RGS7: variants seen among roughly 807,000 people sequenced by gnomAD.
RGS7 encodes the protein regulator of G protein signaling 7, also known as regulator of G-protein signaling 7.
In RGS7, 27 loss-of-function variants were observed where a neutral mutation model predicts 81.1. The ratio of observed to expected loss-of-function variants is 0.33; its 90% CI spans 0.25 to 0.46. The LOEUF (loss-of-function observed/expected upper bound fraction) is 0.46. Among genes scored for constraint, RGS7 ranks in the 20% least tolerant of loss-of-function variants. RGS7 has a pLI of 1.00. For missense variants in RGS7, 396 were observed against 607.4 expected (o/e 0.65, Z 3.66); for synonymous variants, 208 against 207.7 (o/e 1.00, Z -0.01).
At chr1:241,204,790 C>T (rs1407485703) in intron 2 of RGS7, among the ~76,000 whole-genome samples, 1 of 151,528 alleles carries the variant, frequency 6.6e-6, no homozygotes, top group Non-Finnish European at 1.5e-5. Context: ...ATAGGCTTTA[C>T]ATAGAGCAGC....
rs532342840 is a variant in RGS7 at position 241,017,252 on chromosome 1, G to A, written c.176-34123C>T. ...AGGTTAGGAGTCTGAGACCAGCCTG[G>A]TCAACACGGTGAAACCCCGTCTCTA... On this transcript the variant is annotated intron_variant, in intron 3 of 18. Coordinates refer to ENST00000440928, the MANE Select transcript of RGS7 (RefSeq NM_001364886.1). Among the ~76,000 whole-genome samples, 10 of 152,118 alleles carry A rather than the reference G, an allele frequency of 6.6e-5. No individual in the cohort carries two copies. In the South Asian group the frequency reaches 2.1e-3, roughly 32 times the overall value.
At chr1:241,307,972 C>A (rs2080277773) in intron 2 of RGS7, among the ~76,000 whole-genome samples, 1 of 152,194 alleles carries the variant, frequency 6.6e-6, no homozygotes, top group African/African-American at 2.4e-5. Flanking sequence ...CAGCTCTTCA[C>A]CTCACTCCAT....
At chr1:241,087,972 CTCTCTA>C (rs1419044819) in intron 3 of RGS7, among the ~76,000 whole-genome samples, 43 of 90,558 alleles carry the variant, frequency 4.7e-4, no homozygotes, top group African/African-American at 1.6e-3. Context: ...CTCTCTCTCT[CTCTCTA>C]TATATATATA....
intron 3 of RGS7, among the ~76,000 whole-genome samples, chr1:241,079,790 T>C (rs2063031932): frequency 6.6e-6 from 1 of 152,214 alleles, no homozygotes; most frequent in African/African-American, 2.4e-5. Context: ...AATGCATTAA[T>C]TCAAAGAGAG....
At chr1:241,021,504 T>C (rs2059534965) in intron 3 of RGS7, among the ~76,000 whole-genome samples, 2 of 152,210 alleles carry the variant, frequency 1.3e-5, no homozygotes, top group Admixed American at 6.5e-5. Flanking sequence ...GCTATGGGCA[T>C]ATGGCACAGC....
chr1:241,347,785 A>C (rs2082995073), intron 2 of RGS7, among the ~76,000 whole-genome samples: 1 of 152,186 alleles, frequency 6.6e-6, no homozygotes, highest in South Asian at 2.1e-4. Flanking sequence ...TTTCAAAAAA[A>C]GAGAAAAAAA....
intron 3 of RGS7, among the ~76,000 whole-genome samples, chr1:241,032,690 G>A (rs532593539): frequency 6.6e-6 from 1 of 152,232 alleles, no homozygotes; most frequent in Non-Finnish European, 1.5e-5. Flanking sequence ...CCCTCTCAGA[G>A]ATCTTTCACG....
intron 2 of RGS7, among the ~76,000 whole-genome samples, chr1:241,226,802 C>A (rs1223202088): frequency 4.6e-5 from 7 of 152,138 alleles, no homozygotes; most frequent in Non-Finnish European, 1.0e-4. Context: ...TTCCCAAATT[C>A]TTTATGTTAT....
chr1:240,887,709 T>A (rs1667619642), intron 6 of RGS7, among the ~76,000 whole-genome samples: 1 of 152,216 alleles, frequency 6.6e-6, no homozygotes, highest in African/African-American at 2.4e-5. Context: ...GATTTTTAAA[T>A]ATTTTTTTAA....
intron 2 of RGS7, among the ~76,000 whole-genome samples, chr1:241,106,340 G>A (rs578071380): frequency 2.4e-3 from 370 of 151,974 alleles, no homozygotes; most frequent in African/African-American, 7.2e-3. Context: ...ATGAATAATC[G>A]ACTAAAAATA....
At chr1:241,307,704 G>C (rs147061768) in intron 2 of RGS7, among the ~76,000 whole-genome samples, 169 of 152,288 alleles carry the variant, frequency 1.1e-3, no homozygotes, top group African/African-American at 3.6e-3. Context: ...AATTTGACAG[G>C]AGTAAGAGCA....
intron 2 of RGS7, among the ~76,000 whole-genome samples, chr1:241,200,914 C>T (rs1200016430): frequency 6.6e-6 from 1 of 152,148 alleles, no homozygotes; most frequent in Non-Finnish European, 1.5e-5. Context: ...GTGCAAAATC[C>T]AACCCTAATT....
chr1:240,989,124 T>C (rs1377482216), intron 3 of RGS7, among the ~76,000 whole-genome samples: 1 of 151,946 alleles, frequency 6.6e-6, no homozygotes, highest in East Asian at 1.9e-4. Flanking sequence ...TAATCTGTCC[T>C]CCTGTAGAAA....
At chr1:241,278,682 A>G (rs1298976756) in intron 2 of RGS7, among the ~76,000 whole-genome samples, 1 of 152,134 alleles carries the variant, frequency 6.6e-6, no homozygotes, top group Admixed American at 6.5e-5. Flanking sequence ...ACTGCTCCCA[A>G]CAATGGGTGG....
At chr1:241,110,412 C>T (rs1294364680) in intron 2 of RGS7, among the ~76,000 whole-genome samples, 1 of 152,046 alleles carries the variant, frequency 6.6e-6, no homozygotes. Flanking sequence ...AATTCAGCAA[C>T]CTCTATGTGT....
At chr1:241,234,774 T>C (rs1305352712) in intron 2 of RGS7, among the ~76,000 whole-genome samples, 1 of 152,174 alleles carries the variant, frequency 6.6e-6, no homozygotes, top group African/African-American at 2.4e-5. Flanking sequence ...CTATTGCATC[T>C]TCAGTACCTG....
At position 241,271,636 on chromosome 1, in the gene RGS7, G is replaced by A. The variant is rs1332378200; in HGVS notation, c.78+84063C>T. Among the ~76,000 whole-genome samples, 1 of 152,166 alleles carries A rather than the reference G, an allele frequency of 6.6e-6. No individual in the cohort carries two copies. The highest frequency in any genetic ancestry group is 2.4e-5 in the African/African-American group (1 of 41,440). ...TAAAGCAGACTGCCCATCCCACTGT[G>A]GGTGTGGCTTATCCAACCTGTTGAG... is the stretch of plus-strand genomic sequence containing the variant. On this transcript the variant is annotated intron_variant, in intron 2 of 18. Coordinates refer to ENST00000440928, the MANE Select transcript of RGS7 (RefSeq NM_001364886.1). This position sits in a 1 kb window ranked among gnomAD's most constrained non-coding sequence, Gnocchi z 4.6.
At chr1:241,219,570 T>C (rs552534841) in intron 2 of RGS7, among the ~76,000 whole-genome samples, 34 of 152,298 alleles carry the variant, frequency 2.2e-4, no homozygotes, top group African/African-American at 5.8e-4. Flanking sequence ...GTCAGAGTTA[T>C]GGCTTCCTTT....
chr1:241,225,154 C>T (rs1158563887), intron 2 of RGS7, among the ~76,000 whole-genome samples: 1 of 152,082 alleles, frequency 6.6e-6, no homozygotes, highest in African/African-American at 2.4e-5. Flanking sequence ...CCCCCTTGTA[C>T]CCTCCCACTT....
Sources: allele counts gnomAD v4.1 joint callset (sites outside exome capture counted in the v4.1 genomes callset), GRCh38; gene constraint gnomAD v4.1.1; non-coding constraint Gnocchi (gnomAD v3.1); transcripts MANE v1.5; gene names NCBI Gene and HGNC (gene_info 2026-07-23, HGNC 2026-07-21).